Variants in RFX6 observed in about 807,000 individuals in gnomAD.
RFX6 encodes the protein regulatory factor X6.
A neutral mutation model predicts 110.8 loss-of-function variants in RFX6; 50 were observed. The ratio of observed to expected loss-of-function variants is 0.45; its 90% confidence interval spans 0.36 to 0.57. The LOEUF (loss-of-function observed/expected upper bound fraction) is 0.57, where lower values mean the gene tolerates loss of function less well. Ranked by LOEUF, RFX6 falls within the 20% of genes least tolerant of loss-of-function variation. The pLI, the probability that RFX6 is intolerant of heterozygous loss-of-function variation, is 0.00. For missense variants in RFX6, 990 were observed against 1,127.0 expected (o/e 0.88, Z 1.74); for synonymous variants, 383 against 411.2 (o/e 0.93, Z 0.83).
At chr6:116,929,073 T>C in intron 18 of RFX6, 102 bp downstream of exon 18, 1 of 800,100 alleles carries the variant, frequency 1.2e-6, no homozygotes, top group Non-Finnish European at 2.2e-6. Context: ...TGAGCAAGCA[T>C]GTTTCCACGG....
At chr6:116,922,301 C>T (rs763231916) in intron 13 of RFX6, 150 bp downstream of exon 13, 2 of 649,752 alleles carry the variant, frequency 3.1e-6, no homozygotes, top group Non-Finnish European at 5.5e-6. Flanking sequence ...TAAGGCAGGC[C>T]AAATACTGAA....
In RFX6 at chr6:116,931,344, A is replaced by C; in HGVS notation, c.2625A>C (p.Gln875His). 1.2e-6 allele frequency: 2 copies of C among 1,612,850 alleles called. No individual in the cohort carries two copies. Among genetic ancestry groups the C allele is most frequent in the Non-Finnish European group, 1.7e-6 (2 of 1,178,888 alleles). ...TTTCCCTTACAGCTTCCAGTTTGCA[A>C]ACCCCAATTCCTTCTTCCTCATCCC... ...CRTPVLASSL[Q>H]TPIPSSSSQC... Residue 875 changes from glutamine to histidine, a missense_variant, in exon 19 of 19, where the codon CAA becomes CAC. Physicochemically the swap from Gln to His is conservative, Grantham distance 24. Around this residue, in one of 5 missense-constraint regions of RFX6, gnomAD observed 438 missense variants for 441.9 expected, o/e 0.99. Transcript: ENST00000332958.
At chr6:116,905,008 C>T (rs779071296) in intron 6 of RFX6, among the ~76,000 whole-genome samples, 8 of 152,156 alleles carry the variant, frequency 5.3e-5, no homozygotes, top group Admixed American at 1.3e-4. Context: ...TCTTTGAGAT[C>T]CTGCTATAAT....
At chr6:116,918,907 A>G (rs1775531679) in intron 10 of RFX6, among the ~76,000 whole-genome samples, 1 of 152,116 alleles carries the variant, frequency 6.6e-6, no homozygotes, top group Non-Finnish European at 1.5e-5. Context: ...TGTTTTGACC[A>G]AGATGATAAC....
At chr6:116,916,402 T>C in intron 9 of RFX6, 88 bp downstream of exon 9, 1 of 847,574 alleles carries the variant, frequency 1.2e-6, no homozygotes, top group South Asian at 1.4e-5. Flanking sequence ...TTTCAGTAAA[T>C]ATGTTATTTA....
At chr6:116,902,469 A>C (rs1267702068) in intron 6 of RFX6, among the ~76,000 whole-genome samples, 5 of 152,078 alleles carry the variant, frequency 3.3e-5, no homozygotes, top group African/African-American at 1.2e-4. Context: ...ATTTTTATTC[A>C]TAAATGGAGT....
chr6:116,897,303 A>T (rs2114675626), intron 6 of RFX6, among the ~76,000 whole-genome samples: 1 of 152,030 alleles, frequency 6.6e-6, no homozygotes, highest in Non-Finnish European at 1.5e-5. Flanking sequence ...TAGGATGCTT[A>T]GTAGTATCAC....
Position 116,927,273 on chromosome 6 carries a change from C to G in RFX6, c.2132C>G (p.Pro711Arg), listed in dbSNP as rs751672759. 1.9e-6 allele frequency: 3 copies of G among 1,614,196 alleles called. No homozygotes were observed. The Admixed American group carries it at 5.0e-5, about 27-fold the overall frequency. Residue 711 changes from proline (P) to arginine (R), a missense_variant, in exon 17 of 19, where the codon CCC becomes CGC. This residue lies in a region of RFX6 where 438 missense variants were observed against 441.9 expected (regional missense o/e 0.99). Coordinates refer to ENST00000332958, the MANE Select transcript of RFX6 (RefSeq NM_173560.4). ...SNYQTVFRAQ[P>R]HSTSGLYPHH... ...TACCAGACTGTGTTTAGGGCACAGC[C>G]CCACTCCACATCAGGACTCTATCCT...
intron 1 of RFX6, 61 bp downstream of exon 1, chr6:116,877,559 C>A: frequency 7.9e-7 from 1 of 1,272,914 alleles, no homozygotes; most frequent in Non-Finnish European, 1.1e-6. Context: ...AAGAAGGGCA[C>A]CCAATAATAA....
rs765103605 is a variant in RFX6 at position 116,877,243 on chromosome 6, C to A, written c.-33C>A. On this transcript the variant is annotated 5_prime_UTR_variant, in exon 1 of 19. Transcript: ENST00000332958. ...GGGCTCCGCTGGGGAACCGGCCGAG[C>A]GGCGCGCGCGGAGGTGTCCGGCGGC... The A allele has an allele frequency of 1.0e-5, 16 of 1,537,344 alleles. No individual in the cohort carries two copies. The African/African-American group carries it at 1.7e-4, about 16-fold the overall frequency.
chr6:116,900,407 G>A (rs938711991), intron 6 of RFX6, among the ~76,000 whole-genome samples: 2 of 151,804 alleles, frequency 1.3e-5, no homozygotes, highest in Non-Finnish European at 2.9e-5. Flanking sequence ...GGCGTGCGCC[G>A]CCACACCTGG....
chr6:116,906,403 C>A (rs1775202879), intron 6 of RFX6, among the ~76,000 whole-genome samples: 1 of 152,156 alleles, frequency 6.6e-6, no homozygotes, highest in Non-Finnish European at 1.5e-5. Context: ...TCTGAAAAAA[C>A]TGTCACTAGG....
intron 16 of RFX6, among the ~76,000 whole-genome samples, chr6:116,926,520 T>C (rs1775737284): frequency 6.6e-6 from 1 of 152,166 alleles, no homozygotes. Context: ...AAGAGCCTTA[T>C]AGTTCAGGAG....
chr6:116,921,468 C>T (rs1157665684), intron 12 of RFX6, among the ~76,000 whole-genome samples: 1 of 152,102 alleles, frequency 6.6e-6, no homozygotes, highest in Non-Finnish European at 1.5e-5. Flanking sequence ...TATTTAACTA[C>T]ATAAACAACT....
chr6:116,886,919 T>TG (rs1471024811), intron 4 of RFX6, among the ~76,000 whole-genome samples: 1 of 151,656 alleles, frequency 6.6e-6, no homozygotes, highest in African/African-American at 2.4e-5. Flanking sequence ...AAAAATTAGC[T>TG]GGGCGTGGTG....
chr6:116,889,813 C>A (rs371277419), intron 4 of RFX6, among the ~76,000 whole-genome samples: 9 of 152,164 alleles, frequency 5.9e-5, no homozygotes, highest in African/African-American at 2.2e-4. Flanking sequence ...TATATGAAAT[C>A]TCTTAATTGG....
At chr6:116,905,136 C>A (rs988733509) in intron 6 of RFX6, among the ~76,000 whole-genome samples, 2 of 152,104 alleles carry the variant, frequency 1.3e-5, no homozygotes, top group African/African-American at 4.8e-5. Flanking sequence ...ACATTCTCAC[C>A]AACAATGCAC....
intron 6 of RFX6, 61 bp from the exon 7 acceptor site, chr6:116,910,874 T>C: frequency 9.1e-7 from 1 of 1,094,882 alleles, no homozygotes; most frequent in Non-Finnish European, 1.4e-6. Flanking sequence ...TTTACTAGAA[T>C]AGTACTTTGG....
At chr6:116,919,049 C>T (rs1296365537) in intron 10 of RFX6, 88 bp from the exon 11 acceptor site, 1 of 1,213,232 alleles carries the variant, frequency 8.2e-7, no homozygotes, top group East Asian at 2.4e-5. Context: ...CTTATGAAAC[C>T]ATAGAATAAT....
Sources: allele counts gnomAD v4.1 joint callset (sites outside exome capture counted in the v4.1 genomes callset), GRCh38; gene constraint gnomAD v4.1.1; regional missense constraint gnomAD v4.1.1; transcripts MANE v1.5; gene names NCBI Gene and HGNC (gene_info 2026-07-23, HGNC 2026-07-21).